The following DLGAP2 variants were observed in gnomAD, a reference collection of about 807,000 sequenced individuals.
DLGAP2 encodes disks large-associated protein 2.
In DLGAP2, 26 loss-of-function variants were observed where a neutral mutation model predicts 100.3. The observed-to-expected ratio is 0.26, with a 90% CI of 0.19 to 0.36. The LOEUF is 0.36. Ranked by LOEUF, DLGAP2 falls within the 10% of genes least tolerant of loss-of-function variation. The probability of loss-of-function intolerance (pLI) is 1.00; values close to 1 mark genes in which losing one functional copy is unlikely to be tolerated. For missense variants in DLGAP2, 1,858 were observed against 1,453.2 expected (o/e 1.28, Z -4.53); for synonymous variants, 886 against 630.1 (o/e 1.41, Z -6.08).
chr8:741,713 C>T (rs1350589331), intron 1 of DLGAP2, among the ~76,000 whole-genome samples: 2 of 152,364 alleles, frequency 1.3e-5, no homozygotes, highest in Non-Finnish European at 2.9e-5. Flanking sequence ...CAGCAGCCAG[C>T]TCCCCTTAGG....
At chr8:973,813 C>G (rs770469256) in intron 2 of DLGAP2, among the ~76,000 whole-genome samples, 1 of 151,232 alleles carries the variant, frequency 6.6e-6, no homozygotes, top group Non-Finnish European at 1.5e-5. Flanking sequence ...GGCTCGGGCC[C>G]GTGGCCCCGC....
chr8:1,111,052 C>T (rs1337703895), intron 2 of DLGAP2, among the ~76,000 whole-genome samples: 2 of 152,242 alleles, frequency 1.3e-5, no homozygotes, highest in Non-Finnish European at 2.9e-5. Flanking sequence ...CACCCGTGTG[C>T]CACCTGCACG....
At chr8:1,253,078 C>T (rs1799085353) in intron 2 of DLGAP2, among the ~76,000 whole-genome samples, 1 of 152,218 alleles carries the variant, frequency 6.6e-6, no homozygotes, top group South Asian at 2.1e-4. Flanking sequence ...ATGCCGCCCA[C>T]GCCCGGGCCT....
intron 1 of DLGAP2, among the ~76,000 whole-genome samples, chr8:853,545 G>C (rs1797220301): frequency 6.6e-6 from 1 of 152,186 alleles, no homozygotes; most frequent in African/African-American, 2.4e-5. Context: ...CTCAGATGAA[G>C]CCCAGGGCCA....
intron 3 of DLGAP2, among the ~76,000 whole-genome samples, chr8:1,259,337 A>G (rs1799297468): frequency 6.6e-6 from 1 of 152,198 alleles, no homozygotes; most frequent in African/African-American, 2.4e-5. Flanking sequence ...AGTGTTGCTT[A>G]TTTAACTTTC....
intron 2 of DLGAP2, among the ~76,000 whole-genome samples, chr8:926,216 G>C (rs762915789): frequency 6.6e-6 from 1 of 152,150 alleles, no homozygotes; most frequent in Non-Finnish European, 1.5e-5. Flanking sequence ...CACTCCCTCC[G>C]TGGGCTCTCA....
chr8:1,507,788 CTT>C, intron 4 of DLGAP2, among the ~76,000 whole-genome samples: 1 of 151,898 alleles, frequency 6.6e-6, no homozygotes, highest in African/African-American at 2.4e-5. Flanking sequence ...CACGACCCTC[CTT>C]CACCCACCAC....
At chr8:1,129,359 C>T (rs933259070) in intron 2 of DLGAP2, among the ~76,000 whole-genome samples, 9 of 149,864 alleles carry the variant, frequency 6.0e-5, no homozygotes, top group South Asian at 2.1e-4. Flanking sequence ...GCTGAGATTG[C>T]GCCACTGCAC....
chr8:1,570,583 G>A (rs910730480), intron 6 of DLGAP2, among the ~76,000 whole-genome samples: 2 of 152,202 alleles, frequency 1.3e-5, no homozygotes, highest in Non-Finnish European at 2.9e-5. Context: ...AGGTGCAGAC[G>A]CTGTAATGCC....
At chr8:1,135,916 G>A (rs534106789) in intron 2 of DLGAP2, among the ~76,000 whole-genome samples, 30 of 152,308 alleles carry the variant, frequency 2.0e-4, no homozygotes, top group Middle Eastern at 6.8e-3. Context: ...ATCATTTTTC[G>A]AAGTTAAGAA....
chr8:1,408,150 C>T (rs1324743645), intron 3 of DLGAP2, among the ~76,000 whole-genome samples: 1 of 152,276 alleles, frequency 6.6e-6, no homozygotes, highest in Admixed American at 6.5e-5. Context: ...CTCACTCTTT[C>T]TTTCCAGCAT....
intron 1 of DLGAP2, among the ~76,000 whole-genome samples, chr8:780,595 C>T (rs972174369): frequency 2.6e-5 from 4 of 152,216 alleles, no homozygotes; most frequent in East Asian, 1.9e-4. Flanking sequence ...CAGTGGTGAA[C>T]GTGAGTCCCC....
chr8:1,005,805 T>A (rs1801092352), intron 2 of DLGAP2, among the ~76,000 whole-genome samples: 1 of 152,112 alleles, frequency 6.6e-6, no homozygotes, highest in Non-Finnish European at 1.5e-5. Flanking sequence ...TTGTATTGAG[T>A]GTCCCTGTTG....
At chr8:1,064,716 AAATTAAGCTCTGCC>A (rs1458822555) in intron 2 of DLGAP2, among the ~76,000 whole-genome samples, 8 of 152,296 alleles carry the variant, frequency 5.3e-5, no homozygotes, top group African/African-American at 1.9e-4. Flanking sequence ...CAACACATAA[AAATTAAGCTCTGCC>A]AATTATATAT....
rs562576458 is a variant in DLGAP2, at chr8:1,198,353, G to A, written c.74-60498G>A. Among the ~76,000 whole-genome samples the A allele has an allele frequency of 5.9e-5, 9 of 152,308 alleles. No homozygotes were observed. In the South Asian group the frequency reaches 6.2e-4, roughly 11 times the overall value. On this transcript the variant is annotated intron_variant, in intron 2 of 14. Transcript: ENST00000637795. Reference sequence around the variant, plus strand: ...TTGAAATGACAACAACAGCTTCGTCGTGGGGCGTCACGCATGTTGCACCAC... The same window carrying A: ...TTGAAATGACAACAACAGCTTCGTCATGGGGCGTCACGCATGTTGCACCAC...
rs530225359 is a variant in DLGAP2, at chr8:1,490,307, C to G, written c.107-11059C>G. On this transcript the variant is annotated intron_variant, in intron 3 of 14. Transcript: ENST00000637795. ...TGTGATTGCTCCTGCCACATCGAAG[C>G]ACCTTACGTGCGGGGTTGAAAAGGC... 3.9e-5 allele frequency among the ~76,000 whole-genome samples: 6 copies of G among 152,348 alleles called. No homozygotes were observed. The East Asian group carries it at 1.2e-3, about 29-fold the overall frequency.
intron 2 of DLGAP2, among the ~76,000 whole-genome samples, chr8:1,026,975 G>A (rs1397596465): frequency 6.6e-6 from 1 of 152,090 alleles, no homozygotes; most frequent in African/African-American, 2.4e-5. Flanking sequence ...CATTTACATT[G>A]TACGCTTAAA....
chr8:1,447,101 T>C (rs887713472), intron 3 of DLGAP2, among the ~76,000 whole-genome samples: 32 of 152,232 alleles, frequency 2.1e-4, no homozygotes, highest in African/African-American at 7.7e-4. Context: ...TCCTGCCTAA[T>C]TGCCCTGGCC....
intron 8 of DLGAP2, among the ~76,000 whole-genome samples, chr8:1,659,938 C>T (rs760752851): frequency 2.6e-5 from 4 of 152,136 alleles, no homozygotes; most frequent in Non-Finnish European, 2.9e-5. Context: ...TTCATAGTGT[C>T]AATGGTCTTT....
Sources: allele counts gnomAD v4.1 joint callset (sites outside exome capture counted in the v4.1 genomes callset), GRCh38; gene constraint gnomAD v4.1.1; transcripts MANE v1.5; gene names NCBI Gene and HGNC (gene_info 2026-07-23, HGNC 2026-07-21).